Variants in SLC67A1 observed in about 807,000 individuals in gnomAD.
SLC67A1 encodes solute carrier family 67 member A1.
the SLC67A1 span, chr11:2,909,578 C>T: frequency 6.5e-7 from 1 of 1,527,492 alleles, no homozygotes; most frequent in Non-Finnish European, 8.7e-7. Context: ...CCGTCCCCAG[C>T]CGCCCAGATG....
the SLC67A1 span, among the ~76,000 whole-genome samples, chr11:2,915,732 G>A: frequency 1.1e-3 from 160 of 152,284 alleles, no homozygotes; most frequent in African/African-American, 3.7e-3. Flanking sequence ...GTGGCGGTCC[G>A]GCACAGGCCT....
the SLC67A1 span, chr11:2,909,174 C>T: frequency 8.8e-6 from 13 of 1,484,444 alleles, no homozygotes; most frequent in South Asian, 2.6e-5. Flanking sequence ...CGTGAGGGTC[C>T]GACCCGCCCC....
chr11:2,903,059 G>C, the SLC67A1 span: 1 of 512,426 alleles, frequency 2.0e-6, no homozygotes, highest in Admixed American at 3.7e-5. Context: ...GGGGGGAGCA[G>C]CTTGTCCCTG....
chr11:2,917,996 C>T, the SLC67A1 span: 60 of 1,612,074 alleles, frequency 3.7e-5, no homozygotes, highest in African/African-American at 1.2e-4. Context: ...AGGCGGCCCC[C>T]GGGCCAGTGT....
the SLC67A1 span, among the ~76,000 whole-genome samples, chr11:2,910,070 C>T: frequency 6.6e-6 from 1 of 152,262 alleles, no homozygotes; most frequent in Non-Finnish European, 1.5e-5. Context: ...GCTGTGGCAG[C>T]GGGGCTGAGC....
At chr11:2,899,776 G>C in the SLC67A1 span, 1 of 1,411,920 alleles carries the variant, frequency 7.1e-7, no homozygotes, top group African/African-American at 1.4e-5. Flanking sequence ...CTGGCTACCT[G>C]AGGCCCTGCT....
At chr11:2,911,083 G>A in the SLC67A1 span, among the ~76,000 whole-genome samples, 55 of 152,172 alleles carry the variant, frequency 3.6e-4, no homozygotes, top group Non-Finnish European at 5.3e-4. Context: ...GGTGGCCAAG[G>A]AAGCCACAGT....
chr11:2,910,445 G>T, the SLC67A1 span, among the ~76,000 whole-genome samples: 1 of 152,182 alleles, frequency 6.6e-6, no homozygotes. Context: ...TGAGGAGGCG[G>T]CATCTGAGTC....
the SLC67A1 span, among the ~76,000 whole-genome samples, chr11:2,905,237 G>A: frequency 1.3e-5 from 2 of 152,102 alleles, no homozygotes; most frequent in African/African-American, 4.8e-5. Context: ...GCTGGAGGTC[G>A]GATGAGCTGG....
At chr11:2,905,253 C>T in the SLC67A1 span, among the ~76,000 whole-genome samples, 1 of 152,118 alleles carries the variant, frequency 6.6e-6, no homozygotes, top group Non-Finnish European at 1.5e-5. Context: ...GCTGGGGGAA[C>T]TGGCAGTGGT....
chr11:2,906,311 C>T, the SLC67A1 span, among the ~76,000 whole-genome samples: 1 of 152,134 alleles, frequency 6.6e-6, no homozygotes, highest in South Asian at 2.1e-4. Flanking sequence ...AGACATGTGG[C>T]GATTCTTCAA....
At chr11:2,912,252 CAGGGTGAGGG>C in the SLC67A1 span, among the ~76,000 whole-genome samples, 1 of 152,196 alleles carries the variant, frequency 6.6e-6, no homozygotes, top group Admixed American at 6.5e-5. Flanking sequence ...CCAACCCAGA[CAGGGTGAGGG>C]AGGCCCACAC....
At chr11:2,905,638 C>T in the SLC67A1 span, among the ~76,000 whole-genome samples, 4 of 152,246 alleles carry the variant, frequency 2.6e-5, no homozygotes, top group South Asian at 6.2e-4. Flanking sequence ...GATAAAAATA[C>T]GTGTGCATGT....
At chr11:2,922,814 C>T in the SLC67A1 span, among the ~76,000 whole-genome samples, 1 of 152,118 alleles carries the variant, frequency 6.6e-6, no homozygotes. Context: ...TGGGAGGGGG[C>T]TGCCCGCAGG....
the SLC67A1 span, among the ~76,000 whole-genome samples, chr11:2,911,511 G>A: frequency 7.2e-5 from 11 of 152,200 alleles, no homozygotes; most frequent in Non-Finnish European, 1.6e-4. Flanking sequence ...GGAAGGGCGT[G>A]AGGAGGGCAC....
the SLC67A1 span, chr11:2,914,601 C>A: frequency 1.6e-6 from 1 of 628,662 alleles, no homozygotes; most frequent in Non-Finnish European, 2.0e-6. Context: ...GTCCCCCAGC[C>A]CCAGGCTTTC....
At chr11:2,909,223 G>A in the SLC67A1 span, 963 of 1,538,316 alleles carry the variant, frequency 6.3e-4, 6 homozygotes, top group African/African-American at 0.012. Flanking sequence ...GGGCGCGGGC[G>A]GCGCTCACGC....
At chr11:2,911,655 C>T in the SLC67A1 span, among the ~76,000 whole-genome samples, 1 of 152,182 alleles carries the variant, frequency 6.6e-6, no homozygotes, top group Non-Finnish European at 1.5e-5. Flanking sequence ...CAGCCTTCCT[C>T]ACCTATGAAA....
chr11:2,915,886 C>G, the SLC67A1 span, among the ~76,000 whole-genome samples: 2 of 152,240 alleles, frequency 1.3e-5, no homozygotes, highest in African/African-American at 4.8e-5. Flanking sequence ...GGAGACAAGA[C>G]CTGCCGATTC....
Sources: allele counts gnomAD v4.1 joint callset (sites outside exome capture counted in the v4.1 genomes callset), GRCh38; gene constraint gnomAD v4.1.1; transcripts MANE v1.5; gene names NCBI Gene and HGNC (gene_info 2026-07-23, HGNC 2026-07-21).